The following B3GNT2 variants were observed in gnomAD, a reference collection of about 807,000 sequenced individuals.
B3GNT2 encodes the protein UDP-GlcNAc:betaGal beta-1,3-N-acetylglucosaminyltransferase 2, also known as N-acetyllactosaminide beta-1,3-N-acetylglucosaminyltransferase 2.
A neutral mutation model predicts 27.6 loss-of-function variants in B3GNT2; 12 were observed. That is an observed-to-expected ratio of 0.44 (90% CI 0.28 to 0.71). The LOEUF is 0.71. Ranked by LOEUF, B3GNT2 falls within the 30% of genes least tolerant of loss-of-function variation. B3GNT2 has a pLI of 0.17. For missense variants in B3GNT2, 413 were observed against 488.5 expected (o/e 0.85, Z 1.46); for synonymous variants, 192 against 189.7 (o/e 1.01, Z -0.10).
At chr2:62,209,617 T>TA (rs1216792136) in intron 1 of B3GNT2, among the ~76,000 whole-genome samples, 2 of 152,084 alleles carry the variant, frequency 1.3e-5, no homozygotes, top group Non-Finnish European at 2.9e-5. Flanking sequence ...CCAGACCCTT[T>TA]ACCCGCCCCC....
chr2:62,211,346 AC>A (rs1251611148), intron 1 of B3GNT2, among the ~76,000 whole-genome samples: 3 of 151,868 alleles, frequency 2.0e-5, no homozygotes, highest in Non-Finnish European at 4.4e-5. Context: ...ACAGAGTAAG[AC>A]CCTGTCCCCC....
chr2:62,200,509 C>G (rs1674247154), intron 1 of B3GNT2, among the ~76,000 whole-genome samples: 1 of 152,098 alleles, frequency 6.6e-6, no homozygotes. Context: ...GTCCGAGTGC[C>G]ATGTGGTGGT....
In B3GNT2 at chr2:62,224,524, T is replaced by C. The variant is rs1674785686; in HGVS notation, c.*1110T>C. 2 of 167,122 alleles carry C rather than the reference T, an allele frequency of 1.2e-5. No homozygotes were observed. The highest frequency in any genetic ancestry group is 2.1e-4 in the South Asian group (1 of 4,838). 10.4% of individuals were successfully genotyped at this position (167,122 alleles called of 1,614,324 possible). Reference sequence around the variant, plus strand: ...ATTTTAAATGTTAAGGTGTAACATATGTTAAATAAAACTGTTATTTTTGAA... The same window carrying C: ...ATTTTAAATGTTAAGGTGTAACATACGTTAAATAAAACTGTTATTTTTGAA... On this transcript the variant is annotated 3_prime_UTR_variant, in exon 2 of 2. Transcript: ENST00000301998.
intron 1 of B3GNT2, among the ~76,000 whole-genome samples, chr2:62,203,966 A>T (rs775430964): frequency 1.3e-5 from 2 of 152,230 alleles, no homozygotes; most frequent in Non-Finnish European, 2.9e-5. Flanking sequence ...CATGAATATG[A>T]AAGTGTTAAT....
chr2:62,222,397 G>A lies in B3GNT2; in HGVS notation c.177G>A (p.Trp59Ter). 1 of 1,614,082 alleles carries A rather than the reference G, an allele frequency of 6.2e-7. No individual in the cohort carries two copies. The highest frequency in any genetic ancestry group is 8.5e-7 in the Non-Finnish European group (1 of 1,180,030). The change falls in exon 2 of 2, where the codon TGG becomes TGA. Residue 59 changes from tryptophan to a stop codon, truncating the protein, a stop_gained. Transcript: ENST00000301998. LOFTEE classifies it high-confidence loss of function. This position sits in a 1 kb window ranked among gnomAD's most constrained non-coding sequence, Gnocchi z 4.2. Reference sequence around the variant, plus strand: ...TATCTACCCCTCCCGAGGCATACTGGAACCGAGAGCAAGAGAAGCTGAACC... The same window carrying A: ...TATCTACCCCTCCCGAGGCATACTGAAACCGAGAGCAAGAGAAGCTGAACC... ...WKISTPPEAY[W>*]NREQEKLNRQ...
At chr2:62,219,682 C>A (rs540271466) in intron 1 of B3GNT2, among the ~76,000 whole-genome samples, 2 of 152,300 alleles carry the variant, frequency 1.3e-5, no homozygotes, top group East Asian at 1.9e-4. Context: ...GACAGCAGTA[C>A]TGGGTCAAGG....
chr2:62,217,682 G>A (rs1324778497), intron 1 of B3GNT2, among the ~76,000 whole-genome samples: 1 of 152,214 alleles, frequency 6.6e-6, no homozygotes, highest in Non-Finnish European at 1.5e-5. Flanking sequence ...GGTCCCCAGC[G>A]TGCGGCGGAA....
chr2:62,214,350 TGAG>T (rs1316751612), intron 1 of B3GNT2, among the ~76,000 whole-genome samples: 4 of 151,718 alleles, frequency 2.6e-5, no homozygotes, highest in Admixed American at 6.6e-5. Context: ...AGAGGAGAGA[TGAG>T]GAGGGAGCTA....
intron 1 of B3GNT2, among the ~76,000 whole-genome samples, chr2:62,209,214 A>G (rs2104196252): frequency 6.6e-6 from 1 of 152,218 alleles, no homozygotes; most frequent in Non-Finnish European, 1.5e-5. Context: ...GACTGTGAGA[A>G]AAAGACTTTG....
intron 1 of B3GNT2, chr2:62,221,977 C>A: frequency 1.7e-6 from 1 of 577,490 alleles, no homozygotes; most frequent in Non-Finnish European, 3.2e-6. Context: ...TACTCACAAC[C>A]ATCCTTTGAA....
chr2:62,207,906 C>T lies in B3GNT2; in HGVS notation c.-10+11551C>T, dbSNP rs758607361. ...AAAATAATGGATTGAATTTGATTGC[C>T]TGAGTGCTTAATATTAAAGTGCTTG... On this transcript the variant is annotated intron_variant, in intron 1 of 1. Coordinates refer to ENST00000301998, the MANE Select transcript of B3GNT2 (RefSeq NM_006577.6). Among the ~76,000 whole-genome samples the T allele has an allele frequency of 3.7e-4, 56 of 152,096 alleles. 2 individuals carry two copies.
chr2:62,206,082 C>T (rs1674369760), intron 1 of B3GNT2, among the ~76,000 whole-genome samples: 1 of 152,090 alleles, frequency 6.6e-6, no homozygotes, highest in East Asian at 1.9e-4. Context: ...CCAGGAGAAA[C>T]CAGGCTGAGA....
chr2:62,214,060 G>C (rs982639399), intron 1 of B3GNT2, among the ~76,000 whole-genome samples: 4 of 152,206 alleles, frequency 2.6e-5, no homozygotes, highest in African/African-American at 7.2e-5. Flanking sequence ...TGGTGTTTAG[G>C]CTGGGGCATA....
intron 1 of B3GNT2, among the ~76,000 whole-genome samples, chr2:62,199,178 A>G (rs1674214141): frequency 6.6e-6 from 1 of 152,180 alleles, no homozygotes; most frequent in South Asian, 2.1e-4. Flanking sequence ...TGACCTGGTG[A>G]TCCACCCGCC....
intron 1 of B3GNT2, among the ~76,000 whole-genome samples, chr2:62,208,335 G>T (rs1674418619): frequency 6.6e-6 from 1 of 151,504 alleles, no homozygotes; most frequent in Non-Finnish European, 1.5e-5. Context: ...TTTATATAAT[G>T]GGATTCTGTT....
intron 1 of B3GNT2, among the ~76,000 whole-genome samples, chr2:62,202,905 C>T (rs189153961): frequency 1.8e-4 from 27 of 152,286 alleles, no homozygotes; most frequent in Admixed American, 1.6e-3. Flanking sequence ...CACAAGGCCC[C>T]CAGCTTTCCT....
chr2:62,200,420 T>G lies in B3GNT2; in HGVS notation c.-10+4065T>G, dbSNP rs150592946. On this transcript the variant is annotated intron_variant, in intron 1 of 1. Transcript: ENST00000301998. ...TCAGGTGTCTTCATTCTGATATGAGTAGGATGTACGTAGCTTACCAGAATG... is the reference window on the plus strand; with the variant it reads ...TCAGGTGTCTTCATTCTGATATGAGGAGGATGTACGTAGCTTACCAGAATG... 5.3e-3 allele frequency among the ~76,000 whole-genome samples: 801 copies of G among 152,236 alleles called. 8 individuals are homozygous for G. Among genetic ancestry groups the G allele is most frequent in the African/African-American group, 0.019 (770 of 41,522 alleles).
intron 1 of B3GNT2, among the ~76,000 whole-genome samples, chr2:62,200,000 G>A (rs890264258): frequency 6.6e-6 from 1 of 152,068 alleles, no homozygotes; most frequent in African/African-American, 2.4e-5. Flanking sequence ...TTATTATTAG[G>A]GCTTATGTGG....
Position 62,208,852 on chromosome 2 carries a change from G to A in B3GNT2, c.-10+12497G>A, listed in dbSNP as rs992094958. On this transcript the variant is annotated intron_variant, in intron 1 of 1. Transcript: ENST00000301998. ...GGCCCATTCTGCCCAGGAGTCCTTG[G>A]TGTGTCAGACCTGTTATCACACCGT... 2.6e-5 allele frequency among the ~76,000 whole-genome samples: 4 copies of A among 152,140 alleles called. No individual in the cohort carries two copies. In the East Asian group the frequency reaches 7.7e-4, roughly 29 times the overall value.
Sources: gnomAD v4.1 joint callset for allele counts (sites outside exome capture counted in the v4.1 genomes callset) on GRCh38, gnomAD v4.1.1 for gene constraint, Gnocchi (gnomAD v3.1) non-coding constraint, MANE v1.5 for transcripts, NCBI Gene and HGNC (gene_info 2026-07-23, HGNC 2026-07-21) for gene names.